Variants in POR observed in about 807,000 individuals in gnomAD.
The protein encoded by POR is NADPH--cytochrome P450 reductase.
Under a neutral mutation model 84.0 loss-of-function variants are expected in POR, and 56 were observed. That is an observed-to-expected ratio of 0.67 (90% CI 0.54 to 0.83). The LOEUF is 0.83. Among genes scored for constraint, POR ranks in the 40% least tolerant of loss-of-function variants. The pLI is 0.00. For missense variants in POR, 938 were observed against 944.3 expected (o/e 0.99, Z 0.09); for synonymous variants, 414 against 400.5 (o/e 1.03, Z -0.40).
At chr7:75,986,092 A>C (rs782318664) in intron 14 of POR, 24 bp downstream of exon 14, 4 of 1,572,838 alleles carry the variant, frequency 2.5e-6, no homozygotes, top group Non-Finnish European at 3.4e-6. Context: ...GCACCCACGA[A>C]GGTGGGCATG....
Position 75,986,232 on chromosome 7 carries a change from A to G in POR, c.1889A>G (p.Tyr630Cys). ...TTGATCGAAGGCGGTGCCCACATCT[A>G]CGTCTGTGGGTGAGTGAGTGGGGTC... The change falls in exon 15 of 16, where the codon TAC becomes TGC. Residue 630 changes from tyrosine (Y) to cysteine (C), a missense_variant. Coordinates refer to ENST00000461988, the MANE Select transcript of POR (RefSeq NM_000941.3). 1 of 1,612,586 alleles carries G rather than the reference A, an allele frequency of 6.2e-7. No individual in the cohort carries two copies. The highest frequency in any genetic ancestry group is 2.2e-5 in the East Asian group (1 of 44,848).
At chr7:75,974,828 CT>C (rs1408281798) in intron 3 of POR, among the ~76,000 whole-genome samples, 3 of 152,026 alleles carry the variant, frequency 2.0e-5, no homozygotes, top group African/African-American at 7.2e-5. Context: ...CACCCAGCCT[CT>C]TTTTTCTTTT....
intron 2 of POR, among the ~76,000 whole-genome samples, chr7:75,970,230 A>G (rs1788368994): frequency 6.6e-6 from 1 of 151,906 alleles, no homozygotes; most frequent in Non-Finnish European, 1.5e-5. Flanking sequence ...AATTATCCTT[A>G]TTGTTGGAGG....
chr7:75,935,619 TTGTGTGTG>T (rs57899780), intron 1 of POR, among the ~76,000 whole-genome samples: 7,480 of 131,292 alleles, frequency 0.057, 317 homozygotes, highest in African/African-American at 0.12. Context: ...TGCTCGGGGC[TTGTGTGTG>T]TGTGTGTGTG....
At chr7:75,980,282 T>G (rs1430632896) in intron 4 of POR, 57 bp from the exon 5 acceptor site, 1 of 1,578,060 alleles carries the variant, frequency 6.3e-7, no homozygotes, top group Non-Finnish European at 8.6e-7. Context: ...TGGTGCGGGT[T>G]GAACCTTGAA....
chr7:75,986,319 C>G lies in POR; in HGVS notation c.1899-18C>G. The G allele has an allele frequency of 6.2e-7, 1 of 1,612,516 alleles. No individual in the cohort carries two copies. The highest frequency in any genetic ancestry group is 8.5e-7 in the Non-Finnish European group (1 of 1,179,782). On this transcript the variant is annotated intron_variant, in intron 15 of 15. Coordinates refer to ENST00000461988, the MANE Select transcript of POR (RefSeq NM_000941.3). ...GCCACAGTTGGCCCAGCCCCCAGCA[C>G]CCCCTCTTCCTGCCCAGGGATGCAC...
chr7:75,984,789 A>G lies in POR; in HGVS notation c.1079A>G (p.Lys360Arg), dbSNP rs1554558749. 11 of 1,612,500 alleles carry G rather than the reference A, an allele frequency of 6.8e-6. No homozygotes were observed. Among genetic ancestry groups the G allele is most frequent in the Non-Finnish European group, 9.3e-6 (11 of 1,179,776 alleles). The change falls in exon 11 of 16, where the codon AAG becomes AGG. Residue 360 changes from lysine (K) to arginine (R), a missense_variant. Transcript: ENST00000461988. ...CTCTTCCCTGCAGAGGAGTCCAACA[A>G]GAAGCACCCATTCCCGTGCCCTACG...
intron 1 of POR, among the ~76,000 whole-genome samples, chr7:75,924,001 T>C (rs6967208): frequency 0.081 from 12,261 of 152,210 alleles, 1,558 homozygotes; most frequent in African/African-American, 0.27. Context: ...GCTGCTGCCT[T>C]GTCTGAAATC....
intron 2 of POR, among the ~76,000 whole-genome samples, chr7:75,961,380 G>A (rs781994561): frequency 2.6e-5 from 4 of 152,024 alleles, no homozygotes; most frequent in Admixed American, 6.6e-5. Flanking sequence ...AGGCCTGTGC[G>A]CTGCATTCAC....
rs148297707 is a variant in POR at position 75,917,675 on chromosome 7, G to A, written c.-5+2496G>A. Reference sequence around the variant, plus strand: ...TTTTCTTTTTTTGAGATGGAGTCTCGCTCTGTCGCCCAGGCTGGAGCGCAG... The same window carrying A: ...TTTTCTTTTTTTGAGATGGAGTCTCACTCTGTCGCCCAGGCTGGAGCGCAG... On this transcript the variant is annotated intron_variant, in intron 1 of 15. Transcript: ENST00000461988. Among the ~76,000 whole-genome samples, 1,431 of 151,842 alleles carry A rather than the reference G, an allele frequency of 9.4e-3. 25 individuals carry two copies. Among genetic ancestry groups the A allele is most frequent in the African/African-American group, 0.03 (1,248 of 41,424 alleles).
chr7:75,920,343 T>A (rs1554548652), intron 1 of POR, among the ~76,000 whole-genome samples: 1 of 152,138 alleles, frequency 6.6e-6, no homozygotes, highest in East Asian at 1.9e-4. Flanking sequence ...GTGCTAGGAT[T>A]ACCAGGCGTG....
chr7:75,981,680 GGCTGGCA>G, intron 7 of POR, 74 bp downstream of exon 7: 1 of 1,263,440 alleles, frequency 7.9e-7, no homozygotes, highest in Non-Finnish European at 1.1e-6. Context: ...CTGGAACAAG[GGCTGGCA>G]GTGGGTCGCA....
chr7:75,937,299 AAAAAAAAACAAAAAAAC>A (rs1807743597), intron 1 of POR, among the ~76,000 whole-genome samples: 1 of 149,484 alleles, frequency 6.7e-6, no homozygotes, highest in African/African-American at 2.4e-5. Flanking sequence ...TACAAAAAAA[AAAAAAAAACAAAAAAAC>A]CAAAAATTAG....
chr7:75,951,561 G>A (rs1464474739), intron 1 of POR, among the ~76,000 whole-genome samples: 7 of 152,108 alleles, frequency 4.6e-5, no homozygotes, highest in Admixed American at 6.5e-5. Flanking sequence ...CACAACCCTC[G>A]GATGCCCTGG....
Position 75,981,607 on chromosome 7 carries a change from G to A in POR, c.731+1G>A, listed in dbSNP as rs786205099. 1.2e-6 allele frequency: 2 copies of A among 1,612,180 alleles called. No individual in the cohort carries two copies. Among genetic ancestry groups the A allele is most frequent in the East Asian group, 4.5e-5 (2 of 44,850 alleles). ...TGGAAGCCACTGGCGAGGAGTCCAG[G>A]TGAGCAAGTGCCCGCAGGTGCGGTG... On this transcript the variant is annotated splice_donor_variant, in intron 7 of 15. Transcript: ENST00000461988. LOFTEE classifies it high-confidence loss of function.
At chr7:75,943,132 T>C (rs776014905) in intron 1 of POR, among the ~76,000 whole-genome samples, 7 of 152,102 alleles carry the variant, frequency 4.6e-5, no homozygotes, top group Non-Finnish European at 8.8e-5. Context: ...TTTGTATTTT[T>C]AGTAGAGATG....
chr7:75,968,251 A>G (rs1554555626), intron 2 of POR: 1 of 467,742 alleles, frequency 2.1e-6, no homozygotes, highest in Admixed American at 2.3e-5. Flanking sequence ...AGGCCTGAAG[A>G]TGCGGCTGCC....
Position 75,949,862 on chromosome 7 carries a change from CT to C in POR, c.-4-4113del, listed in dbSNP as rs1246278311. On this transcript the variant is annotated intron_variant, in intron 1 of 15. Transcript: ENST00000461988. ...CAGGGAGGGGACATGACCTGACTTA[CT>C]TTTTTTTTTTTTTGAGATGGAATCT... Among the ~76,000 whole-genome samples, 588 of 139,696 alleles carry C rather than the reference CT, an allele frequency of 4.2e-3. 2 individuals are homozygous for C. Among genetic ancestry groups the C allele is most frequent in the African/African-American group, 8.4e-3 (324 of 38,404 alleles). 91.6% of individuals were successfully genotyped at this position (139,696 alleles called of 152,430 possible).
At chr7:75,926,926 C>T (rs1585085828) in intron 1 of POR, among the ~76,000 whole-genome samples, 1 of 152,280 alleles carries the variant, frequency 6.6e-6, no homozygotes, top group East Asian at 1.9e-4. Context: ...GGGATTATTT[C>T]ATCTTGGGTA....
Sources: allele counts gnomAD v4.1 joint callset (sites outside exome capture counted in the v4.1 genomes callset), GRCh38; gene constraint gnomAD v4.1.1; transcripts MANE v1.5; gene names NCBI Gene and HGNC (gene_info 2026-07-23, HGNC 2026-07-21).